The following STAU2 variants were observed in gnomAD, a reference collection of about 807,000 sequenced individuals.
The protein encoded by STAU2 is double-stranded RNA-binding protein Staufen homolog 2.
Under a neutral mutation model 65.9 loss-of-function variants are expected in STAU2, and 20 were observed. That is an observed-to-expected ratio of 0.30 (90% CI 0.21 to 0.44). The LOEUF (loss-of-function observed/expected upper bound fraction) is 0.44, where lower values mean the gene tolerates loss of function less well. Ranked by LOEUF, STAU2 falls within the 20% of genes least tolerant of loss-of-function variation. The pLI, the probability that STAU2 is intolerant of heterozygous loss-of-function variation, is 1.00. For synonymous variants in STAU2, 232 were observed against 233.9 expected (o/e 0.99, Z 0.07); for missense variants, 558 against 683.9 (o/e 0.82, Z 2.05).
At chr8:73,496,084 C>A (rs1821404783) in intron 13 of STAU2, among the ~76,000 whole-genome samples, 2 of 151,258 alleles carry the variant, frequency 1.3e-5, no homozygotes, top group Admixed American at 6.6e-5. Context: ...TTAATAGAGA[C>A]CCACTTAAAT....
intron 13 of STAU2, chr8:73,549,662 G>A (rs937272958): frequency 5.1e-6 from 5 of 985,128 alleles, no homozygotes; most frequent in Non-Finnish European, 6.0e-6. Flanking sequence ...CACATACAAT[G>A]GCTCTAGTAG....
At chr8:73,441,247 A>C (rs1007543357) in intron 13 of STAU2, 1 of 152,222 alleles carries the variant, frequency 6.6e-6, no homozygotes, top group Admixed American at 6.5e-5. Context: ...TTCCATTAGC[A>C]AGTAAGTTCT....
intron 13 of STAU2, among the ~76,000 whole-genome samples, chr8:73,460,756 A>G (rs1819312717): frequency 1.3e-5 from 2 of 152,170 alleles, no homozygotes; most frequent in African/African-American, 4.8e-5. Flanking sequence ...CACTATACAC[A>G]GCTTTATTTT....
chr8:73,471,806 G>A (rs4563878), intron 13 of STAU2, among the ~76,000 whole-genome samples: 55,308 of 131,548 alleles, frequency 0.42, 11,595 homozygotes, highest in Admixed American at 0.45. Flanking sequence ...CAACAAGGGC[G>A]AGACTCCAAC....
chr8:73,445,293 G>A (rs1182959282), intron 13 of STAU2, among the ~76,000 whole-genome samples: 1 of 152,156 alleles, frequency 6.6e-6, no homozygotes, highest in Admixed American at 6.5e-5. Context: ...GCTAGGAGAG[G>A]ATGAATCCTA....
rs553119352 is a variant in STAU2 at position 73,615,698 on chromosome 8, G to A, written c.655C>T (p.Arg219Ter). 1.9e-6 allele frequency: 3 copies of A among 1,613,610 alleles called. No homozygotes were observed. Among genetic ancestry groups the A allele is most frequent in the Non-Finnish European group, 2.5e-6 (3 of 1,179,802 alleles). ...ISLVFEIALKRNMPVSFEVIK... is the reference protein window; with the variant it reads ...ISLVFEIALK Reference sequence around the variant, plus strand: ...ACCTCAAAACTGACAGGCATATTTCGCTTCAGAGCAATTTCAAACACTAAG... The same window carrying A: ...ACCTCAAAACTGACAGGCATATTTCACTTCAGAGCAATTTCAAACACTAAG... Residue 219 changes from arginine (R) to a stop codon, truncating the protein, a stop_gained, in exon 8 of 15, where the codon CGA becomes TGA. Transcript: ENST00000524300. LOFTEE classifies it high-confidence loss of function.
intron 13 of STAU2, among the ~76,000 whole-genome samples, chr8:73,469,931 C>T (rs1244015209): frequency 1.3e-5 from 2 of 152,062 alleles, no homozygotes; most frequent in African/African-American, 4.8e-5. Flanking sequence ...TAAGGGTAAA[C>T]AAAAGGCAGC....
chr8:73,686,809 T>C (rs534198090), intron 5 of STAU2, among the ~76,000 whole-genome samples: 18 of 152,014 alleles, frequency 1.2e-4, no homozygotes, highest in African/African-American at 3.9e-4. Flanking sequence ...AAAATTATTC[T>C]TAGGAGCTTA....
At chr8:73,450,928 C>A (rs966540233) in intron 13 of STAU2, among the ~76,000 whole-genome samples, 10 of 152,188 alleles carry the variant, frequency 6.6e-5, no homozygotes, top group African/African-American at 2.4e-4. Context: ...TAGTTACCAG[C>A]CACCCTCCTG....
chr8:73,734,510 T>C (rs1392419403), intron 3 of STAU2, among the ~76,000 whole-genome samples: 1 of 152,128 alleles, frequency 6.6e-6, no homozygotes, highest in Non-Finnish European at 1.5e-5. Flanking sequence ...TAAAAAACCA[T>C]GTAGGCCGGG....
chr8:73,543,272 C>T (rs937415607), intron 13 of STAU2, among the ~76,000 whole-genome samples: 2 of 152,120 alleles, frequency 1.3e-5, no homozygotes, highest in South Asian at 2.1e-4. Context: ...TGAGGAAAAT[C>T]GGCGGCAAGG....
intron 8 of STAU2, among the ~76,000 whole-genome samples, chr8:73,614,627 T>C (rs947185874): frequency 3.9e-5 from 6 of 152,168 alleles, no homozygotes; most frequent in African/African-American, 1.4e-4. Context: ...ACTAAATATT[T>C]AACCTTTAAT....
intron 3 of STAU2, among the ~76,000 whole-genome samples, chr8:73,736,902 T>C (rs1196557822): frequency 1.3e-5 from 2 of 152,244 alleles, no homozygotes; most frequent in South Asian, 2.1e-4. Flanking sequence ...TCTCGCTCTG[T>C]AGCCCAGGCT....
At chr8:73,723,971 T>G (rs1821861329) in intron 3 of STAU2, among the ~76,000 whole-genome samples, 1 of 152,226 alleles carries the variant, frequency 6.6e-6, no homozygotes, top group Admixed American at 6.5e-5. Context: ...TACAGTTGAG[T>G]AATTTGGAAA....
rs570799554 is a variant in STAU2, at chr8:73,679,452, G to A, written c.275-6210C>T. Among the ~76,000 whole-genome samples, 49 of 152,310 alleles carry A rather than the reference G, an allele frequency of 3.2e-4. No individual in the cohort carries two copies. In the South Asian group the frequency reaches 9.1e-3, roughly 28 times the overall value. ...CCATGAGACAGCCAAAACACCGTGAGTGCCCAAAGTGTGAGAGGGGGAAAG... is the reference window on the plus strand; with the variant it reads ...CCATGAGACAGCCAAAACACCGTGAATGCCCAAAGTGTGAGAGGGGGAAAG... On this transcript the variant is annotated intron_variant, in intron 5 of 14. Transcript: ENST00000524300.
At position 73,588,612 on chromosome 8, in the gene STAU2, T is replaced by C. The variant is rs573005330; in HGVS notation, c.1162-5782A>G. Reference sequence around the variant, plus strand: ...GGGAAGGGTAGAAACAAATCCTATATGCCGTTGGGGCAAAGGCAGGAAATT... The same window carrying C: ...GGGAAGGGTAGAAACAAATCCTATACGCCGTTGGGGCAAAGGCAGGAAATT... On this transcript the variant is annotated intron_variant, in intron 11 of 14. Transcript: ENST00000524300. Among the ~76,000 whole-genome samples, 5 of 152,318 alleles carry C rather than the reference T, an allele frequency of 3.3e-5. No homozygotes were observed. In the South Asian group the frequency reaches 1.0e-3, roughly 32 times the overall value.
Position 73,574,117 on chromosome 8 carries a change from AAAG to A in STAU2, c.1222+8650_1222+8652del, listed in dbSNP as rs563650665. Among the ~76,000 whole-genome samples, 467 of 152,370 alleles carry A rather than the reference AAAG, an allele frequency of 3.1e-3. 15 individuals carry two copies. Among genetic ancestry groups the A allele is most frequent in the Admixed American group, 0.027 (411 of 15,304 alleles). On this transcript the variant is annotated intron_variant, in intron 12 of 14. Transcript: ENST00000524300. The stretch of plus-strand genomic sequence containing the variant: ...AAAGAATATGAACAGACACTTCTCA[AAAG>A]AAGACATTTATGCAGCCAAAAGACA...
chr8:73,698,339 A>G (rs1185614340), intron 4 of STAU2, among the ~76,000 whole-genome samples: 1 of 152,190 alleles, frequency 6.6e-6, no homozygotes, highest in East Asian at 1.9e-4. Context: ...TAAATGAACT[A>G]AATTCCCCAG....
At chr8:73,741,864 A>C (rs1806909745) in intron 1 of STAU2, among the ~76,000 whole-genome samples, 1 of 152,226 alleles carries the variant, frequency 6.6e-6, no homozygotes, top group Non-Finnish European at 1.5e-5. Context: ...AGTAACAAAA[A>C]ATAAAACTTT....
Sources: allele counts gnomAD v4.1 joint callset (sites outside exome capture counted in the v4.1 genomes callset), GRCh38; gene constraint gnomAD v4.1.1; transcripts MANE v1.5; gene names NCBI Gene and HGNC (gene_info 2026-07-23, HGNC 2026-07-21).